DLG2: variants seen among roughly 807,000 people sequenced by gnomAD.
The protein encoded by DLG2 is disks large homolog 2.
Under a neutral mutation model 132.5 loss-of-function variants are expected in DLG2, and 45 were observed. The observed-to-expected ratio is 0.34, with a 90% CI of 0.27 to 0.44. The LOEUF (loss-of-function observed/expected upper bound fraction) is 0.44. Ranked by LOEUF, DLG2 falls within the 20% of genes least tolerant of loss-of-function variation. The pLI is 1.00. For synonymous variants in DLG2, 424 were observed against 419.6 expected (o/e 1.01, Z -0.13); for missense variants, 1,045 against 1,196.9 (o/e 0.87, Z 1.87).
chr11:84,086,520 T>C (rs114802401), intron 10 of DLG2, among the ~76,000 whole-genome samples: 1,623 of 148,880 alleles, frequency 0.011, 29 homozygotes, highest in African/African-American at 0.038. Flanking sequence ...GACAAGGTGT[T>C]GCTCTGCCAC....
At chr11:84,504,864 A>G (rs1358125312) in intron 7 of DLG2, among the ~76,000 whole-genome samples, 1 of 152,160 alleles carries the variant, frequency 6.6e-6, no homozygotes. Flanking sequence ...CTTTGACTGA[A>G]TCATCTATTT....
chr11:84,343,894 A>G (rs1471360224), intron 7 of DLG2, among the ~76,000 whole-genome samples: 1 of 152,124 alleles, frequency 6.6e-6, no homozygotes, highest in Non-Finnish European at 1.5e-5. Flanking sequence ...GAAGTACTGA[A>G]TACCAACTAT....
intron 7 of DLG2, among the ~76,000 whole-genome samples, chr11:84,284,510 C>T (rs930516433): frequency 7.9e-5 from 12 of 152,154 alleles, no homozygotes; most frequent in Non-Finnish European, 1.2e-4. Flanking sequence ...ATCATATGCC[C>T]AGTACTATAA....
chr11:84,741,508 A>G (rs2064670654), intron 6 of DLG2, among the ~76,000 whole-genome samples: 1 of 151,952 alleles, frequency 6.6e-6, no homozygotes, highest in African/African-American at 2.4e-5. Flanking sequence ...CACCACCACC[A>G]CCACCACAAA....
At chr11:83,946,007 T>TC (rs1591594099) in intron 14 of DLG2, among the ~76,000 whole-genome samples, 4 of 148,144 alleles carry the variant, frequency 2.7e-5, no homozygotes, top group Admixed American at 6.8e-5. Context: ...TTTTTTTTTT[T>TC]TTGACAGAGT....
chr11:85,467,985 A>C (rs1042647297), intron 3 of DLG2, among the ~76,000 whole-genome samples: 1 of 152,124 alleles, frequency 6.6e-6, no homozygotes, highest in East Asian at 1.9e-4. Context: ...CCTCAATTTC[A>C]CAGCCTGTTA....
intron 4 of DLG2, among the ~76,000 whole-genome samples, chr11:85,248,729 A>C (rs994006056): frequency 1.3e-5 from 2 of 152,100 alleles, no homozygotes; most frequent in Admixed American, 6.6e-5. Context: ...AGGAAGTGCT[A>C]ACAAGTGAAA....
At position 84,667,498 on chromosome 11, in the gene DLG2, G is replaced by GTTTTTTTTT. The variant is rs57863742; in HGVS notation, c.358-132776_358-132768dup. On this transcript the variant is annotated intron_variant, in intron 6 of 27. Transcript: ENST00000376104. ...TTTTTGTTTTTGTTTTTTGTTTTTT[G>GTTTTTTTTT]TTTTTTTTTTTTTTTTGAGTCATAG... 8.0e-4 allele frequency among the ~76,000 whole-genome samples: 98 copies of GTTTTTTTTT among 122,192 alleles called. 2 individuals carry two copies. The highest frequency in any genetic ancestry group is 5.3e-3 in the Middle Eastern group (1 of 190). The allele number at this position is 122,192 out of a possible 152,430, so 80.2% of individuals were successfully genotyped here.
chr11:84,696,987 G>A (rs1322556920), intron 6 of DLG2, among the ~76,000 whole-genome samples: 1 of 151,330 alleles, frequency 6.6e-6, no homozygotes, highest in African/African-American at 2.4e-5. Context: ...GATTGACTCA[G>A]GAGAACTAGG....
chr11:84,264,229 G>A (rs1215056777), intron 7 of DLG2, among the ~76,000 whole-genome samples: 3 of 152,146 alleles, frequency 2.0e-5, no homozygotes, highest in Non-Finnish European at 4.4e-5. Context: ...AGGCAATGAA[G>A]TCTTTGTTCT....
At chr11:83,731,690 C>A (rs886362968) in intron 18 of DLG2, among the ~76,000 whole-genome samples, 6 of 152,274 alleles carry the variant, frequency 3.9e-5, no homozygotes, top group Admixed American at 3.9e-4. Context: ...ATTTCTGGTT[C>A]TAGATCCTTG....
chr11:84,765,936 C>A (rs903417796), intron 6 of DLG2, among the ~76,000 whole-genome samples: 2 of 152,014 alleles, frequency 1.3e-5, no homozygotes, highest in Admixed American at 6.6e-5. Flanking sequence ...ACCCACAAGA[C>A]GGTATTCATT....
chr11:83,993,033 C>T (rs2093811691), intron 11 of DLG2, among the ~76,000 whole-genome samples: 1 of 152,102 alleles, frequency 6.6e-6, no homozygotes, highest in African/African-American at 2.4e-5. Flanking sequence ...AATAATAGCA[C>T]TGTTCTAGGT....
At chr11:85,221,990 T>A (rs530320355) in intron 4 of DLG2, among the ~76,000 whole-genome samples, 4 of 152,096 alleles carry the variant, frequency 2.6e-5, no homozygotes, top group Non-Finnish European at 5.9e-5. Context: ...CAGGCTGGAA[T>A]GCAGTGGCAC....
chr11:84,384,177 G>A (rs2098759563), intron 7 of DLG2, among the ~76,000 whole-genome samples: 1 of 149,710 alleles, frequency 6.7e-6, no homozygotes, highest in Non-Finnish European at 1.5e-5. Context: ...TTTATTGAAA[G>A]CATTTTATCA....
chr11:84,962,863 A>G (rs1357979101), intron 6 of DLG2, among the ~76,000 whole-genome samples: 1 of 152,234 alleles, frequency 6.6e-6, no homozygotes, highest in African/African-American at 2.4e-5. Flanking sequence ...GGCAGCTGAT[A>G]ACTTATTTCC....
chr11:84,444,217 C>T (rs913600780), intron 7 of DLG2, among the ~76,000 whole-genome samples: 6 of 151,892 alleles, frequency 4.0e-5, no homozygotes, highest in African/African-American at 7.3e-5. Flanking sequence ...TGGGGCCTAT[C>T]GGGTGTGGGC....
At chr11:85,049,367 T>C (rs1278074315) in intron 6 of DLG2, among the ~76,000 whole-genome samples, 3 of 152,078 alleles carry the variant, frequency 2.0e-5, no homozygotes, top group Non-Finnish European at 2.9e-5. Flanking sequence ...ATCTGCTGTG[T>C]TGGTCATCCT....
At position 83,558,848 on chromosome 11, in the gene DLG2, C is replaced by CGTGTGTGTGTGTGTGTGTGTGTGTGT. The variant is rs3039336; in HGVS notation, c.1941-17016_1941-16991dup. On this transcript the variant is annotated intron_variant, in intron 19 of 27. Coordinates refer to ENST00000376104, the MANE Select transcript of DLG2 (RefSeq NM_001142699.3). Reference sequence around the variant, plus strand: ...CCCGGTAAAAAACAGTGCTAGATGTCGTGTGTGTGTGTGTGTGTGTGTGTG... The same window carrying CGTGTGTGTGTGTGTGTGTGTGTGTGT: ...CCCGGTAAAAAACAGTGCTAGATGTCGTGTGTGTGTGTGTGTGTGTGTGTGTGTGTGTGTGTGTGTGTGTGTGTGTG... 6.3e-4 allele frequency among the ~76,000 whole-genome samples: 90 copies of CGTGTGTGTGTGTGTGTGTGTGTGTGT among 142,338 alleles called. 1 individual carries two copies. The highest frequency in any genetic ancestry group is 1.1e-3 in the Non-Finnish European group (72 of 64,702). The allele number at this position is 142,338 out of a possible 152,430, so 93.4% of individuals were successfully genotyped here. A position where few individuals can be genotyped will look rare whatever the true frequency, so the allele number is the denominator to read the frequency against.
Sources: gnomAD v4.1 joint callset for allele counts (sites outside exome capture counted in the v4.1 genomes callset) on GRCh38, gnomAD v4.1.1 for gene constraint, MANE v1.5 for transcripts, NCBI Gene and HGNC (gene_info 2026-07-23, HGNC 2026-07-21) for gene names.